IRF1: variants seen among roughly 807,000 people sequenced by gnomAD.
IRF1 encodes the protein interferon regulatory factor 1.
Under a neutral mutation model 43.7 loss-of-function variants are expected in IRF1, and 13 were observed. The observed-to-expected ratio is 0.30, with a 90% confidence interval of 0.19 to 0.47. The LOEUF is 0.47. Among genes scored for constraint, IRF1 ranks in the 20% least tolerant of loss-of-function variants. IRF1 has a pLI of 0.99. For missense variants in IRF1, 236 were observed against 408.9 expected, an observed-to-expected ratio of 0.58 and a Z score of 3.65; for synonymous variants, 138 against 146.8, an observed-to-expected ratio of 0.94 and a Z score of 0.43.
chr5:132,488,136 AC>A (rs1309097445), intron 2 of IRF1, 111 bp from the exon 3 acceptor site: 18 of 790,944 alleles, frequency 2.3e-5, no homozygotes, highest in Middle Eastern at 2.3e-4. Flanking sequence ...GAAAAGGCTG[AC>A]TTCCCCTTTT....
In IRF1 at chr5:132,485,721, G is replaced by A; in HGVS notation, c.668-5C>T. 6.2e-7 allele frequency: 1 copy of A among 1,611,670 alleles called. No individual in the cohort carries two copies. Among genetic ancestry groups the A allele is most frequent in the African/African-American group, 1.3e-5 (1 of 74,936 alleles). The stretch of plus-strand genomic sequence containing the variant: ...CCTCATCCTCATCTGTTGTAGCTGT[G>A]GATGGGGAAAGCAGAGAGGTTGGCT... On this transcript the variant is annotated splice_polypyrimidine_tract_variant and splice_region_variant and intron_variant, in intron 7 of 9. Transcript: ENST00000245414.
intron 2 of IRF1, 69 bp downstream of exon 2, chr5:132,489,323 G>A (rs1754637489): frequency 8.4e-7 from 1 of 1,191,006 alleles, no homozygotes. Context: ...AGCTGCATCT[G>A]AAGCTTTGGT....
In IRF1 at chr5:132,483,929, T is replaced by G; in HGVS notation, c.*22A>C. 6.2e-7 allele frequency: 1 copy of G among 1,611,716 alleles called. No individual in the cohort carries two copies. ...GCCAGGTCCTGCTTGCCTAGAGGAA[T>G]AAGAGGGGCCCAGGGGCCCTGCTAC... On this transcript the variant is annotated 3_prime_UTR_variant, in exon 10 of 10. Transcript: ENST00000245414.
chr5:132,487,781 A>G, intron 3 of IRF1, 145 bp downstream of exon 3: 1 of 611,082 alleles, frequency 1.6e-6, no homozygotes. Context: ...CCAGAAACAC[A>G]AGTCTGCCAC....
chr5:132,486,121 C>A lies in IRF1; in HGVS notation c.667+130G>T, dbSNP rs1754518953. The A allele has an allele frequency of 4.6e-6, 6 of 1,312,148 alleles. No homozygotes were observed. In the South Asian group the frequency reaches 7.8e-5, roughly 17 times the overall value. 81.3% of individuals were successfully genotyped at this position (1,312,148 alleles called of 1,614,324 possible). A position where few individuals can be genotyped will look rare whatever the true frequency, so the allele number is the denominator to read the frequency against. On this transcript the variant is annotated intron_variant, in intron 7 of 9. Transcript: ENST00000245414. ...CGTCGCTTGCCTCCCCCTATGGTGG[C>A]TAAGACTGGGCAATGCCCAACTCAA...
At chr5:132,486,718 C>A (rs1754538962) in intron 5 of IRF1, 32 bp from the exon 6 acceptor site, 1 of 1,613,894 alleles carries the variant, frequency 6.2e-7, no homozygotes, top group African/African-American at 1.3e-5. Flanking sequence ...TAGGCCCAGG[C>A]CCACCTTAGC....
At chr5:132,486,214 CA>C (rs1383857741) in intron 7 of IRF1, 36 bp downstream of exon 7, 1 of 1,609,462 alleles carries the variant, frequency 6.2e-7, no homozygotes, top group Non-Finnish European at 8.5e-7. Context: ...AGGACCCAGA[CA>C]GTCAAGCAGG....
At position 132,486,379 on chromosome 5, in the gene IRF1, G is replaced by GA; in HGVS notation, c.545-7dup. ...GACAGCACATGGCGACAGTGCTGGGGAACAGCAGAAGCCACAGGTCAAGGT... is the reference window on the plus strand; with the variant it reads ...GACAGCACATGGCGACAGTGCTGGGGAAACAGCAGAAGCCACAGGTCAAGGT... On this transcript the variant is annotated splice_polypyrimidine_tract_variant and splice_region_variant and intron_variant, in intron 6 of 9. Transcript: ENST00000245414. 6.2e-7 allele frequency: 1 copy of GA among 1,611,440 alleles called. No homozygotes were observed. Among genetic ancestry groups the GA allele is most frequent in the Non-Finnish European group, 8.5e-7 (1 of 1,180,010 alleles).
chr5:132,486,945 C>A lies in IRF1; in HGVS notation c.364+9G>T. 6.2e-7 allele frequency: 1 copy of A among 1,614,090 alleles called. No individual in the cohort carries two copies. ...GAGGGCTTCCCAAGGACCCAGAGTC[C>A]TTGGATACCTTTTCTCTGGTTCTTG... On this transcript the variant is annotated intron_variant, in intron 4 of 9. Transcript: ENST00000245414.
At chr5:132,486,451 C>G (rs1754530298) in intron 6 of IRF1, 78 bp from the exon 7 acceptor site, 1 of 1,610,148 alleles carries the variant, frequency 6.2e-7, no homozygotes, top group Non-Finnish European at 8.5e-7. Flanking sequence ...TCCGACCAAC[C>G]CTGCAGCCTG....
rs752975938 is a variant in IRF1, at chr5:132,487,065, T to A, written c.253A>T (p.Met85Leu). The change falls in exon 4 of 10, where the codon ATG becomes TTG. Residue 85 changes from methionine (M) to leucine (L), a missense_variant. Around this residue, in one of 2 missense-constraint regions of IRF1, gnomAD observed 66 missense variants for 157.1 expected, o/e 0.42. Coordinates refer to ENST00000245414, the MANE Select transcript of IRF1 (RefSeq NM_002198.3). ...KTWKANFRCAMNSLPDIEEVK... is the reference protein window; with the variant it reads ...KTWKANFRCALNSLPDIEEVK... Reference sequence around the variant, plus strand: ...TCCTCGATATCTGGCAGGGAGTTCATGGCACAGCGAAAGTTGGCCTTCCAC... The same window carrying A: ...TCCTCGATATCTGGCAGGGAGTTCAAGGCACAGCGAAAGTTGGCCTTCCAC... The A allele has an allele frequency of 6.2e-7, 1 of 1,614,228 alleles. No individual in the cohort carries two copies. Among genetic ancestry groups the A allele is most frequent in the Admixed American group, 1.7e-5 (1 of 60,030 alleles).
Position 132,481,754 on chromosome 5 carries a change from A to G in IRF1, c.*2197T>C, listed in dbSNP as rs1416264929. The G allele has an allele frequency of 2.0e-5, 3 of 152,296 alleles. No individual in the cohort carries two copies. The allele number at this position is 152,296 out of a possible 1,614,324, so 9.4% of individuals were successfully genotyped here. ...TACAGACAGAGCATTTCATCACTCT[A>G]GAAACTGGATGGCAAGTGCTACCCA... On this transcript the variant is annotated 3_prime_UTR_variant, in exon 10 of 10. Coordinates refer to ENST00000245414, the MANE Select transcript of IRF1 (RefSeq NM_002198.3).
At chr5:132,487,795 C>A (rs554514429) in intron 3 of IRF1, 131 bp downstream of exon 3, 1 of 630,234 alleles carries the variant, frequency 1.6e-6, no homozygotes, top group Non-Finnish European at 2.9e-6. Context: ...CTGCCACCAG[C>A]CCCTCTTCCC....
At chr5:132,486,898 C>A in intron 4 of IRF1, 54 bp from the exon 5 acceptor site, 3 of 1,614,074 alleles carry the variant, frequency 1.9e-6, no homozygotes, top group Non-Finnish European at 2.5e-6. Context: ...CCCCAGCTGA[C>A]CTCCTTCTAC....
chr5:132,485,596 A>G (rs111857237), intron 8 of IRF1, 71 bp downstream of exon 8: 2 of 1,193,816 alleles, frequency 1.7e-6, no homozygotes, highest in Non-Finnish European at 2.5e-6. Flanking sequence ...CTGATTTGGA[A>G]GCTTCACTGG....
intron 1 of IRF1, 92 bp from the exon 2 acceptor site, chr5:132,489,575 C>T (rs1754645080): frequency 2.2e-6 from 2 of 925,286 alleles, no homozygotes; most frequent in Non-Finnish European, 1.8e-6. Context: ...AGTTACCCTC[C>T]CCTCACCTCA....
At position 132,482,284 on chromosome 5, in the gene IRF1, T is replaced by A. The variant is rs1754400509; in HGVS notation, c.*1667A>T. 1 of 147,278 alleles carries A rather than the reference T, an allele frequency of 6.8e-6. No individual in the cohort carries two copies. Among genetic ancestry groups the A allele is most frequent in the Non-Finnish European group, 1.5e-5 (1 of 67,380 alleles). 9.1% of individuals were successfully genotyped at this position (147,278 alleles called of 1,614,324 possible). ...CCCAGGCTGTAGTGCAGTGGTGCAA[T>A]CTCGGCTCACTGCAAGCTCTGCCTC... is the stretch of plus-strand genomic sequence containing the variant. On this transcript the variant is annotated 3_prime_UTR_variant, in exon 10 of 10. Coordinates refer to ENST00000245414, the MANE Select transcript of IRF1 (RefSeq NM_002198.3).
At chr5:132,488,238 G>A (rs975937811) in intron 2 of IRF1, 13 of 547,406 alleles carry the variant, frequency 2.4e-5, no homozygotes, top group African/African-American at 2.3e-4. Context: ...GTTTGGATGA[G>A]CTGCAGCATT....
In IRF1 at chr5:132,486,742, C is replaced by T. The variant is rs1455472538; in HGVS notation, c.414+53G>A. On this transcript the variant is annotated intron_variant, in intron 5 of 9. Transcript: ENST00000245414. The stretch of plus-strand genomic sequence containing the variant: ...GCCCACCTTAGCATTTCTTCCACTG[C>T]TCACCCTGGCCCACAGGTGACCAAA... The T allele has an allele frequency of 2.5e-6, 4 of 1,614,212 alleles. No individual in the cohort carries two copies. The Admixed American group carries it at 6.7e-5, about 27-fold the overall frequency.
Sources: gnomAD v4.1 joint callset for allele counts on GRCh38, gnomAD v4.1.1 for gene constraint, gnomAD v4.1.1 regional missense constraint, MANE v1.5 for transcripts, NCBI Gene and HGNC (gene_info 2026-07-23, HGNC 2026-07-21) for gene names.